The following SLC9C1 variants were observed in gnomAD, a reference collection of about 807,000 sequenced individuals.
SLC9C1 encodes the protein sodium/hydrogen exchanger 10.
SLC9C1 carries 97 observed loss-of-function variants against 140.9 expected under a neutral mutation model. The observed-to-expected ratio is 0.69, with a 90% CI of 0.58 to 0.82. SLC9C1 has a LOEUF of 0.82. Among genes scored for constraint, SLC9C1 ranks in the 40% least tolerant of loss-of-function variants. The pLI, the probability that SLC9C1 is intolerant of heterozygous loss-of-function variation, is 0.00. For missense variants in SLC9C1, 1,340 were observed against 1,389.3 expected (o/e 0.96, Z 0.56); for synonymous variants, 440 against 442.6 (o/e 0.99, Z 0.07).
chr3:112,244,605 T>TA (rs756941834), intron 10 of SLC9C1, among the ~76,000 whole-genome samples: 5 of 152,230 alleles, frequency 3.3e-5, no homozygotes, highest in Non-Finnish European at 5.9e-5. Flanking sequence ...GAAGGAGTAA[T>TA]AAATGTCTTT....
In SLC9C1 at chr3:112,263,079, T is replaced by C; in HGVS notation, c.1042A>G (p.Ile348Val). 6.4e-7 allele frequency: 1 copy of C among 1,568,758 alleles called. No homozygotes were observed. Among genetic ancestry groups the C allele is most frequent in the Non-Finnish European group, 8.6e-7 (1 of 1,164,916 alleles). Reference protein sequence around the residue: ...IVLRFLTLLLISPVLSRVGHE... With the variant: ...IVLRFLTLLLVSPVLSRVGHE... ...CCAACTCGAGACAAAACAGGGCTTA[T>C]TAAAAGAAGGGTCAGAAATCTAAAA... The change falls in exon 10 of 29, where the codon ATA becomes GTA. Residue 348 changes from isoleucine to valine, a missense_variant. Physicochemically the swap from Ile to Val is conservative, Grantham distance 29. Coordinates refer to ENST00000305815, the MANE Select transcript of SLC9C1 (RefSeq NM_183061.3).
chr3:112,178,365 C>T (rs1472512656), intron 23 of SLC9C1, among the ~76,000 whole-genome samples: 1 of 152,004 alleles, frequency 6.6e-6, no homozygotes, highest in East Asian at 1.9e-4. Flanking sequence ...TGGCCTCAAG[C>T]AATCCTCCTG....
At chr3:112,256,660 A>G (rs993329668) in intron 10 of SLC9C1, among the ~76,000 whole-genome samples, 7 of 152,170 alleles carry the variant, frequency 4.6e-5, no homozygotes, top group African/African-American at 1.7e-4. Context: ...CTGGCACAAG[A>G]CAAGGATGCC....
intron 20 of SLC9C1, among the ~76,000 whole-genome samples, chr3:112,183,056 C>T (rs550160411): frequency 1.2e-3 from 178 of 152,156 alleles, no homozygotes; most frequent in East Asian, 3.1e-3. Context: ...TGAGTAATGC[C>T]GCTACGAATA....
chr3:112,187,510 A>G (rs1435876538), intron 20 of SLC9C1, among the ~76,000 whole-genome samples: 1 of 152,166 alleles, frequency 6.6e-6, no homozygotes, highest in East Asian at 1.9e-4. Context: ...TTTGTGTGTT[A>G]ATGATGTAAC....
intron 26 of SLC9C1, among the ~76,000 whole-genome samples, chr3:112,155,953 A>G (rs1170346195): frequency 6.6e-6 from 1 of 152,128 alleles, no homozygotes; most frequent in African/African-American, 2.4e-5. Flanking sequence ...GGTAAAGATC[A>G]AATCAGAATA....
chr3:112,218,632 A>G (rs1019191643), intron 14 of SLC9C1, among the ~76,000 whole-genome samples: 2 of 152,240 alleles, frequency 1.3e-5, no homozygotes, highest in Admixed American at 1.3e-4. Context: ...AAGATAAACC[A>G]TAAAGAAATA....
At chr3:112,195,300 A>G (rs1461135531) in intron 20 of SLC9C1, among the ~76,000 whole-genome samples, 1 of 152,140 alleles carries the variant, frequency 6.6e-6, no homozygotes, top group Non-Finnish European at 1.5e-5. Flanking sequence ...TATTTTTTGT[A>G]TATGATGTTA....
At chr3:112,154,448 G>T (rs1326789854) in intron 27 of SLC9C1, among the ~76,000 whole-genome samples, 1 of 152,158 alleles carries the variant, frequency 6.6e-6, no homozygotes. Flanking sequence ...AAGATTTTGA[G>T]GATCTCAAGA....
At chr3:112,231,295 A>G in intron 13 of SLC9C1, 66 bp downstream of exon 13, 1 of 1,582,900 alleles carries the variant, frequency 6.3e-7, no homozygotes, top group Admixed American at 1.7e-5. Flanking sequence ...AGATGTCTTT[A>G]TAAAGGAGGA....
At chr3:112,259,060 C>T (rs906339480) in intron 10 of SLC9C1, among the ~76,000 whole-genome samples, 4 of 152,096 alleles carry the variant, frequency 2.6e-5, no homozygotes, top group Non-Finnish European at 5.9e-5. Flanking sequence ...AATTACAATT[C>T]AACATGAGAT....
At chr3:112,174,820 T>C (rs746721616) in intron 23 of SLC9C1, among the ~76,000 whole-genome samples, 1 of 152,146 alleles carries the variant, frequency 6.6e-6, no homozygotes, top group African/African-American at 2.4e-5. Context: ...TCTTTGATTG[T>C]GGTGATCAGG....
At chr3:112,150,381 A>G (rs999063558) in intron 28 of SLC9C1, among the ~76,000 whole-genome samples, 1 of 152,146 alleles carries the variant, frequency 6.6e-6, no homozygotes, top group African/African-American at 2.4e-5. Context: ...ATGGCTCTCC[A>G]GTAGAAAGAT....
At chr3:112,182,070 C>A in intron 21 of SLC9C1, 63 bp downstream of exon 21, 1 of 1,163,702 alleles carries the variant, frequency 8.6e-7, no homozygotes, top group Non-Finnish European at 1.1e-6. Context: ...TGGTTAAATT[C>A]TTATTTTAAA....
intron 10 of SLC9C1, among the ~76,000 whole-genome samples, chr3:112,249,209 CAT>C (rs1456557727): frequency 1.3e-5 from 2 of 151,784 alleles, no homozygotes; most frequent in South Asian, 2.1e-4. Flanking sequence ...GAAGTAATCA[CAT>C]GATTCCAGTT....
intron 27 of SLC9C1, among the ~76,000 whole-genome samples, chr3:112,153,461 G>T (rs2075041417): frequency 6.6e-6 from 1 of 151,574 alleles, no homozygotes; most frequent in Admixed American, 6.6e-5. Flanking sequence ...ATTTCCCTTT[G>T]TTATTCCCTA....
chr3:112,199,930 C>T (rs759407001), intron 19 of SLC9C1, among the ~76,000 whole-genome samples: 34 of 152,112 alleles, frequency 2.2e-4, no homozygotes, highest in Admixed American at 6.6e-4. Context: ...CTAGATGACT[C>T]ATACATTTAT....
rs143793176 is a variant in SLC9C1 at position 112,183,114 on chromosome 3, C to T, written c.2524-856G>A. 3.8e-3 allele frequency among the ~76,000 whole-genome samples: 578 copies of T among 152,002 alleles called. 4 individuals carry two copies. Among genetic ancestry groups the T allele is most frequent in the African/African-American group, 0.013 (533 of 41,442 alleles). ...CTATTGAGTATATGGTTATCTAATCCGATTGCTGGATCATAAAGTATGCAT... is the reference window on the plus strand; with the variant it reads ...CTATTGAGTATATGGTTATCTAATCTGATTGCTGGATCATAAAGTATGCAT... On this transcript the variant is annotated intron_variant, in intron 20 of 28. Transcript: ENST00000305815.
chr3:112,143,747 A>T (rs1204203609), intron 28 of SLC9C1, among the ~76,000 whole-genome samples: 1 of 152,068 alleles, frequency 6.6e-6, no homozygotes, highest in Non-Finnish European at 1.5e-5. Flanking sequence ...ATTAGGTCCT[A>T]CTTGTCAGTT....
Sources: allele counts gnomAD v4.1 joint callset (sites outside exome capture counted in the v4.1 genomes callset), GRCh38; gene constraint gnomAD v4.1.1; transcripts MANE v1.5; gene names NCBI Gene and HGNC (gene_info 2026-07-23, HGNC 2026-07-21).